NAV3: variants seen among roughly 807,000 people sequenced by gnomAD.
The protein encoded by NAV3 is pore membrane and/or filament interacting like protein 1.
NAV3 carries 87 observed loss-of-function variants against 244.7 expected under a neutral mutation model. The ratio of observed to expected loss-of-function variants is 0.36; its 90% CI spans 0.30 to 0.42. The LOEUF is 0.42. NAV3 is among the 20% of genes least tolerant of loss of function. NAV3 has a pLI of 1.00. For missense variants in NAV3, 2,663 were observed against 2,893.3 expected, an observed-to-expected ratio of 0.92 and a Z score of 1.83; for synonymous variants, 1,126 against 1,042.2, an observed-to-expected ratio of 1.08 and a Z score of -1.55.
At chr12:77,775,760 C>T (rs1870324833) in intron 2 of NAV3, 1 of 152,098 alleles carries the variant, frequency 6.6e-6, no homozygotes, top group Admixed American at 6.5e-5. Flanking sequence ...AATGACAATC[C>T]TTTTTGTCAC....
At chr12:78,204,219 G>T (rs926894739) in intron 38 of NAV3, among the ~76,000 whole-genome samples, 13 of 147,016 alleles carry the variant, frequency 8.8e-5, no homozygotes, top group South Asian at 2.1e-4. Context: ...TGGGGCGGAG[G>T]GGGGAGGGAT....
At chr12:77,815,558 G>C (rs1166259930) in intron 2 of NAV3, among the ~76,000 whole-genome samples, 1 of 152,068 alleles carries the variant, frequency 6.6e-6, no homozygotes, top group African/African-American at 2.4e-5. Context: ...TATAGCTCCT[G>C]ATGAATGCAT....
intron 2 of NAV3, among the ~76,000 whole-genome samples, chr12:77,673,091 C>G (rs1441523524): frequency 1.3e-5 from 2 of 152,020 alleles, no homozygotes; most frequent in Non-Finnish European, 2.9e-5. Flanking sequence ...GTGTATTTTG[C>G]TATATACATT....
At chr12:77,579,523 G>T (rs1480270789) in intron 2 of NAV3, among the ~76,000 whole-genome samples, 1 of 152,198 alleles carries the variant, frequency 6.6e-6, no homozygotes, top group Non-Finnish European at 1.5e-5. Context: ...GCAAGTGGTG[G>T]CTGAAATCAC....
chr12:78,069,835 C>G (rs1168466659), intron 12 of NAV3, among the ~76,000 whole-genome samples: 1 of 151,792 alleles, frequency 6.6e-6, no homozygotes, highest in Non-Finnish European at 1.5e-5. Flanking sequence ...TATACATACA[C>G]ATTTGGTATT....
chr12:77,808,735 G>A (rs1161258146), intron 2 of NAV3, among the ~76,000 whole-genome samples: 3 of 152,206 alleles, frequency 2.0e-5, no homozygotes, highest in South Asian at 2.1e-4. Flanking sequence ...CTTCAGAGAC[G>A]GCAAGCAGGA....
At position 78,122,350 on chromosome 12, in the gene NAV3, C is replaced by G. The variant is rs2138703079; in HGVS notation, c.4160C>G (p.Ser1387Cys). 2 of 1,614,074 alleles carry G rather than the reference C, an allele frequency of 1.2e-6. No individual in the cohort carries two copies. The highest frequency in any genetic ancestry group is 1.7e-6 in the Non-Finnish European group (2 of 1,180,008). The change falls in exon 16 of 40, where the codon TCT becomes TGT. Residue 1387 changes from serine to cysteine, a missense_variant. Physicochemically the swap from Ser to Cys is moderately radical, Grantham distance 112. Around this residue, in one of 6 missense-constraint regions of NAV3, gnomAD observed 354 missense variants for 413.0 expected, o/e 0.86. Coordinates refer to ENST00000397909, the MANE Select transcript of NAV3 (RefSeq NM_001024383.2). ...DLPLSHHGSLSGLTTGTHEVQ... is the reference protein window; with the variant it reads ...DLPLSHHGSLCGLTTGTHEVQ... Reference sequence around the variant, plus strand: ...CCCCTCAGCCATCATGGCTCCTTGTCTGGACTGACCACAGGCACTCACGAG... The same window carrying G: ...CCCCTCAGCCATCATGGCTCCTTGTGTGGACTGACCACAGGCACTCACGAG...
intron 8 of NAV3, among the ~76,000 whole-genome samples, chr12:78,008,361 A>G (rs1053098267): frequency 1.3e-5 from 2 of 152,158 alleles, no homozygotes; most frequent in South Asian, 4.1e-4. Context: ...AATGGTAAAG[A>G]CAACACTTTG....
intron 9 of NAV3, among the ~76,000 whole-genome samples, chr12:78,026,517 A>G (rs2136897858): frequency 6.6e-6 from 1 of 152,256 alleles, no homozygotes; most frequent in Admixed American, 6.5e-5. Context: ...TTTTGGCTCC[A>G]GAAGTATTGT....
intron 3 of NAV3, among the ~76,000 whole-genome samples, chr12:77,957,929 G>T (rs1391224710): frequency 6.6e-6 from 1 of 152,140 alleles, no homozygotes; most frequent in Non-Finnish European, 1.5e-5. Context: ...GCCTCCCTAA[G>T]TGCTGGGATT....
At chr12:78,036,640 C>T (rs1053272873) in intron 9 of NAV3, 3 of 425,286 alleles carry the variant, frequency 7.1e-6, no homozygotes, top group East Asian at 3.5e-5. Context: ...CAGATATATT[C>T]GAGCAAAATA....
chr12:77,719,627 T>A (rs1037636175), intron 2 of NAV3, among the ~76,000 whole-genome samples: 2 of 152,158 alleles, frequency 1.3e-5, no homozygotes, highest in Non-Finnish European at 2.9e-5. Flanking sequence ...ACCCACCTTG[T>A]ATCCCAGAGA....
intron 2 of NAV3, among the ~76,000 whole-genome samples, chr12:77,736,720 G>A (rs1218784407): frequency 2.6e-5 from 4 of 152,208 alleles, no homozygotes; most frequent in Admixed American, 2.6e-4. Context: ...TTTCACTGGA[G>A]GATGCCAAAG....
At chr12:77,776,300 T>C (rs1454203008) in intron 2 of NAV3, among the ~76,000 whole-genome samples, 2 of 152,224 alleles carry the variant, frequency 1.3e-5, no homozygotes, top group Non-Finnish European at 2.9e-5. Flanking sequence ...CCATATAAGA[T>C]AGATATATCC....
intron 2 of NAV3, among the ~76,000 whole-genome samples, chr12:77,680,775 AAG>A (rs149574870): frequency 3.3e-5 from 5 of 152,124 alleles, no homozygotes; most frequent in African/African-American, 1.2e-4. Context: ...GGAAAGTTAA[AAG>A]AGAGTCTTGG....
Position 78,021,843 on chromosome 12 carries a change from G to A in NAV3, c.2004G>A (p.Gln668=). 1.2e-6 allele frequency: 2 copies of A among 1,607,634 alleles called. No homozygotes were observed. The highest frequency in any genetic ancestry group is 1.7e-6 in the Non-Finnish European group (2 of 1,176,496). The change falls in exon 9 of 40, where the codon CAG becomes CAA. Residue 668 remains glutamine, a synonymous_variant. Transcript: ENST00000397909. ...TATCATATAGTAAGACTGCTAAGCAGTGCCTGGAGGAGATATCTGGTAAGT... is the reference window on the plus strand; with the variant it reads ...TATCATATAGTAAGACTGCTAAGCAATGCCTGGAGGAGATATCTGGTAAGT... ...MDLSYSKTAK[Q]CLEEISGEDP...
intron 20 of NAV3, among the ~76,000 whole-genome samples, chr12:78,142,412 C>T (rs149514232): frequency 1.5e-3 from 234 of 151,886 alleles, no homozygotes; most frequent in African/African-American, 5.3e-3. Context: ...CATATGTTGC[C>T]ATTGATTATT....
At chr12:78,130,725 G>A (rs2595031) in intron 18 of NAV3, 53,915 of 152,466 alleles carry the variant, frequency 0.35, 9,945 homozygotes, top group African/African-American at 0.42. Context: ...TGGGTTGCAG[G>A]GAGGACAGAT....
At chr12:78,138,858 C>T (rs2139039451) in intron 19 of NAV3, among the ~76,000 whole-genome samples, 1 of 152,268 alleles carries the variant, frequency 6.6e-6, no homozygotes, top group African/African-American at 2.4e-5. Flanking sequence ...GCATTGAATA[C>T]TGAACTATTC....
Sources: gnomAD v4.1 joint callset for allele counts (sites outside exome capture counted in the v4.1 genomes callset) on GRCh38, gnomAD v4.1.1 for gene constraint, gnomAD v4.1.1 regional missense constraint, MANE v1.5 for transcripts, NCBI Gene and HGNC (gene_info 2026-07-23, HGNC 2026-07-21) for gene names.